The following ANKRD18A variants were observed in gnomAD, a reference collection of about 807,000 sequenced individuals.
ANKRD18A encodes ankyrin repeat domain 18A.
ANKRD18A carries 72 observed loss-of-function variants against 110.6 expected under a neutral mutation model. The ratio of observed to expected loss-of-function variants is 0.65; its 90% CI spans 0.54 to 0.79. The LOEUF is 0.79. Among genes scored for constraint, ANKRD18A ranks in the 30% least tolerant of loss-of-function variants. ANKRD18A has a pLI of 0.00. For synonymous variants in ANKRD18A, 305 were observed against 410.3 expected, an observed-to-expected ratio of 0.74 and a Z score of 3.10; for missense variants, 934 against 1,163.3, an observed-to-expected ratio of 0.80 and a Z score of 2.87.
At chr9:38,600,382 A>G (rs1416401194) in intron 8 of ANKRD18A, among the ~76,000 whole-genome samples, 3 of 152,220 alleles carry the variant, frequency 2.0e-5, no homozygotes, top group Non-Finnish European at 1.5e-5. Flanking sequence ...AATACCAATC[A>G]GAAAGGGAAG....
intron 6 of ANKRD18A, among the ~76,000 whole-genome samples, chr9:38,604,667 T>C (rs1421446050): frequency 1.3e-5 from 2 of 151,414 alleles, no homozygotes; most frequent in African/African-American, 2.4e-5. Context: ...AAGTCTTTTA[T>C]TGAACTTGTA....
At chr9:38,607,334 GGTGTGAGC>G (rs1259275533) in intron 6 of ANKRD18A, 84 bp downstream of exon 6, 1 of 1,067,490 alleles carries the variant, frequency 9.4e-7, no homozygotes, top group Non-Finnish European at 1.3e-6. Context: ...TGGGATTACA[GGTGTGAGC>G]CACCATGCCT....
intron 12 of ANKRD18A, among the ~76,000 whole-genome samples, chr9:38,579,025 C>A (rs1315691225): frequency 1.3e-5 from 2 of 152,108 alleles, no homozygotes; most frequent in Non-Finnish European, 2.9e-5. Flanking sequence ...ATACAGCACC[C>A]AGAAACAAAT....
Position 38,578,120 on chromosome 9 carries a change from G to C in ANKRD18A, c.2276C>G (p.Ala759Gly), listed in dbSNP as rs1289017159. 6.5e-7 allele frequency: 1 copy of C among 1,547,184 alleles called. No individual in the cohort carries two copies. Among genetic ancestry groups the C allele is most frequent in the Non-Finnish European group, 8.7e-7 (1 of 1,145,926 alleles). Residue 759 changes from alanine (A) to glycine (G), a missense_variant, in exon 13 of 16, where the codon GCT becomes GGT. Ala to Gly is a moderately conservative substitution (Grantham distance 60, BLOSUM62 0). Coordinates refer to ENST00000399703, the MANE Select transcript of ANKRD18A (RefSeq NM_147195.4). ...KFNDLVAEKE[A>G]VSSECVNLAK... is the part of the protein sequence containing the mutation. The stretch of plus-strand genomic sequence containing the variant: ...CAAATTGACACATTCTGAAGACACA[G>C]CTTCCTTCTCGGCCACAAGATCATT...
chr9:38,595,240 A>G lies in ANKRD18A; in HGVS notation c.1854+246T>C, dbSNP rs558631071. Among the ~76,000 whole-genome samples the G allele has an allele frequency of 2.0e-5, 3 of 152,008 alleles. No homozygotes were observed. The East Asian group carries it at 5.8e-4, about 29-fold the overall frequency. ...AATCCAACTTTAGAACATTTTCATC[A>G]CTCCAGGACAATCCCTAATGCCCAT... On this transcript the variant is annotated intron_variant, in intron 9 of 15. Coordinates refer to ENST00000399703, the MANE Select transcript of ANKRD18A (RefSeq NM_147195.4).
intron 6 of ANKRD18A, among the ~76,000 whole-genome samples, chr9:38,605,667 T>C (rs1825319512): frequency 2.0e-5 from 3 of 152,140 alleles, no homozygotes. Flanking sequence ...CAGGCTGGAG[T>C]GCAGTGGTGC....
chr9:38,614,043 G>A (rs577173791), intron 3 of ANKRD18A, among the ~76,000 whole-genome samples: 1 of 152,302 alleles, frequency 6.6e-6, no homozygotes, highest in Admixed American at 6.5e-5. Context: ...AGTCACAAAT[G>A]TAGAGAAAGA....
intron 1 of ANKRD18A, among the ~76,000 whole-genome samples, chr9:38,617,765 T>C (rs1825918619): frequency 6.6e-6 from 1 of 152,168 alleles, no homozygotes; most frequent in African/African-American, 2.4e-5. Flanking sequence ...AGTTTTTAAG[T>C]ATGGAAGGGT....
At chr9:38,598,497 T>C (rs527486277) in intron 8 of ANKRD18A, among the ~76,000 whole-genome samples, 97 of 152,314 alleles carry the variant, frequency 6.4e-4, no homozygotes, top group African/African-American at 2.2e-3. Context: ...TAACTTATAA[T>C]AAGAGAAGCA....
At chr9:38,611,645 G>A (rs533599125) in intron 3 of ANKRD18A, among the ~76,000 whole-genome samples, 1 of 152,054 alleles carries the variant, frequency 6.6e-6, no homozygotes, top group African/African-American at 2.4e-5. Context: ...ATTCTCAAGG[G>A]CAAGGGCTGT....
chr9:38,598,651 T>C (rs969135178), intron 8 of ANKRD18A, among the ~76,000 whole-genome samples: 2 of 152,250 alleles, frequency 1.3e-5, no homozygotes, highest in Non-Finnish European at 2.9e-5. Flanking sequence ...GTCATCACTA[T>C]GTGGTGGAGA....
At chr9:38,578,322 G>A (rs992785305) in intron 12 of ANKRD18A, among the ~76,000 whole-genome samples, 174 bp from the exon 13 acceptor site, 2 of 152,150 alleles carry the variant, frequency 1.3e-5, no homozygotes, top group African/African-American at 4.8e-5. Flanking sequence ...CAAAGTTAAA[G>A]CTACCATGAG....
In ANKRD18A at chr9:38,593,976, T is replaced by C. The variant is rs542173301; in HGVS notation, c.1855-67A>G. The C allele has an allele frequency of 1.9e-4, 264 of 1,373,948 alleles. 5 individuals carry two copies. In the South Asian group the frequency reaches 4.8e-3, roughly 25 times the overall value. 85.1% of individuals were successfully genotyped at this position (1,373,948 alleles called of 1,614,324 possible). A position where few individuals can be genotyped will look rare whatever the true frequency, so the allele number is the denominator to read the frequency against. On this transcript the variant is annotated intron_variant, in intron 9 of 15. Transcript: ENST00000399703. ...TTATTAAATTATGTTAATATTTAAG[T>C]CTAGCATACATACTTTGAAAATTAT... is the stretch of plus-strand genomic sequence containing the variant.
intron 3 of ANKRD18A, among the ~76,000 whole-genome samples, chr9:38,614,219 G>GTTTTTTTTTTTTTT (rs58955752): frequency 1.0e-4 from 7 of 68,802 alleles, no homozygotes; most frequent in Admixed American, 2.0e-4. Flanking sequence ...GAACACTGAG[G>GTTTTTTTTTTTTTT]TTTTTTTTTT....
chr9:38,599,472 T>G (rs1825030557), intron 8 of ANKRD18A, among the ~76,000 whole-genome samples: 1 of 152,144 alleles, frequency 6.6e-6, no homozygotes, highest in Non-Finnish European at 1.5e-5. Context: ...AATGAATTTT[T>G]TTTTTTTTTG....
chr9:38,575,579 A>G lies in ANKRD18A; in HGVS notation c.2861T>C (p.Leu954Pro). 1 of 1,551,588 alleles carries G rather than the reference A, an allele frequency of 6.4e-7. No individual in the cohort carries two copies. Among genetic ancestry groups the G allele is most frequent in the Non-Finnish European group, 8.7e-7 (1 of 1,146,824 alleles). The change falls in exon 15 of 16, where the codon CTT becomes CCT. Residue 954 changes from leucine to proline, a missense_variant. Physicochemically the swap from Leu to Pro is moderately conservative, Grantham distance 98 (BLOSUM62 -3). Coordinates refer to ENST00000399703, the MANE Select transcript of ANKRD18A (RefSeq NM_147195.4). ...PEPELPCVEN[L>P]NSIELNRKYI... ...TTTTCTGTTGAGTTCTATACTATTAAGATTTTCAACACAAGGTAACTCTGG... is the reference window on the plus strand; with the variant it reads ...TTTTCTGTTGAGTTCTATACTATTAGGATTTTCAACACAAGGTAACTCTGG...
At chr9:38,609,729 G>C (rs1350949533) in intron 5 of ANKRD18A, among the ~76,000 whole-genome samples, 3 of 151,870 alleles carry the variant, frequency 2.0e-5, no homozygotes, top group Non-Finnish European at 2.9e-5. Flanking sequence ...TTGGGCTTAG[G>C]GAACCCCTTA....
At chr9:38,610,483 T>C in intron 4 of ANKRD18A, 73 bp from the exon 5 acceptor site, 2 of 1,480,572 alleles carry the variant, frequency 1.4e-6, no homozygotes, top group Non-Finnish European at 1.8e-6. Flanking sequence ...GGATACACTT[T>C]ACCAATTTCA....
At chr9:38,619,129 G>A (rs1268417999) in intron 1 of ANKRD18A, among the ~76,000 whole-genome samples, 2 of 151,920 alleles carry the variant, frequency 1.3e-5, no homozygotes, top group African/African-American at 2.4e-5. Flanking sequence ...GCCTGCTTGC[G>A]AGGTCATTCT....
Sources: allele counts gnomAD v4.1 joint callset (sites outside exome capture counted in the v4.1 genomes callset), GRCh38; gene constraint gnomAD v4.1.1; transcripts MANE v1.5; gene names NCBI Gene and HGNC (gene_info 2026-07-23, HGNC 2026-07-21).